The following DNA2 variants were observed in gnomAD, a reference collection of about 807,000 sequenced individuals.
DNA2 encodes the protein DNA replication ATP-dependent helicase/nuclease DNA2.
DNA2 carries 101 observed loss-of-function variants against 119.1 expected under a neutral mutation model. The ratio of observed to expected loss-of-function variants is 0.85; its 90% CI spans 0.72 to 1.00. The LOEUF (loss-of-function observed/expected upper bound fraction) is 1.00. DNA2 is among the 50% of genes least tolerant of loss of function. DNA2 has a pLI of 0.00. For synonymous variants in DNA2, 366 were observed against 424.4 expected (o/e 0.86, Z 1.69); for missense variants, 1,121 against 1,255.5 (o/e 0.89, Z 1.62).
At chr10:68,428,102 C>T (rs2051767114) in intron 14 of DNA2, among the ~76,000 whole-genome samples, 1 of 150,958 alleles carries the variant, frequency 6.6e-6, no homozygotes, top group South Asian at 2.1e-4. Flanking sequence ...CCGAGACAGG[C>T]AGATCACAAG....
chr10:68,456,980 A>C (rs925279060), intron 5 of DNA2, among the ~76,000 whole-genome samples: 6 of 151,760 alleles, frequency 4.0e-5, no homozygotes, highest in South Asian at 2.1e-4. Context: ...TAAAAATACA[A>C]AAAATTAGCC....
At chr10:68,429,711 CAAAAAAAAAAAA>C (rs1165329779) in intron 14 of DNA2, among the ~76,000 whole-genome samples, 6 of 40,400 alleles carry the variant, frequency 1.5e-4, no homozygotes, top group Admixed American at 5.3e-4. Context: ...GACTCCATCT[CAAAAAAAAAAAA>C]AAAAAAAAGA....
At chr10:68,430,349 T>C in intron 14 of DNA2, 87 bp downstream of exon 14, 1 of 914,230 alleles carries the variant, frequency 1.1e-6, no homozygotes, top group East Asian at 2.6e-5. Flanking sequence ...CCAGTCAATG[T>C]GACTAAATTT....
At chr10:68,469,899 A>T (rs1336235309) in intron 2 of DNA2, 82 bp downstream of exon 2, 2 of 1,220,836 alleles carry the variant, frequency 1.6e-6, no homozygotes, top group Non-Finnish European at 2.2e-6. Flanking sequence ...AAATTATAGT[A>T]ACATTCACAG....
At chr10:68,443,988 G>T (rs1031743328) in intron 8 of DNA2, among the ~76,000 whole-genome samples, 3 of 151,992 alleles carry the variant, frequency 2.0e-5, no homozygotes, top group African/African-American at 7.3e-5. Flanking sequence ...ATAGTGCAGT[G>T]GCTCAAGCCT....
intron 19 of DNA2, among the ~76,000 whole-genome samples, chr10:68,418,318 G>A (rs145020011): frequency 6.6e-6 from 1 of 151,740 alleles, no homozygotes; most frequent in African/African-American, 2.4e-5. Flanking sequence ...AGGCTGAGAC[G>A]GAAGAGTCAC....
chr10:68,444,844 T>A (rs1225661540), intron 8 of DNA2, 77 bp downstream of exon 8: 2 of 1,033,008 alleles, frequency 1.9e-6, no homozygotes, highest in Non-Finnish European at 2.8e-6. Context: ...TCAATGCCCG[T>A]CTGGCCACCA....
rs777142006 is a variant in DNA2 at position 68,450,134 on chromosome 10, A to G, written c.833T>C (p.Val278Ala). Residue 278 changes from valine to alanine, a missense_variant, in exon 6 of 21, where the codon GTT (valine) becomes GCT (alanine). Physicochemically the swap from Val to Ala is moderately conservative, Grantham distance 64. Transcript: ENST00000358410. The stretch of plus-strand genomic sequence containing the variant: ...TCGATGTATTTTCACACCAACTGTA[A>G]CATCTATTTTGCCTTTCAATCCAAA... ...PRFGLKGKID[V>A]TVGVKIHRGY... 6 of 1,607,894 alleles carry G rather than the reference A, an allele frequency of 3.7e-6. No individual in the cohort carries two copies. The East Asian group carries it at 1.3e-4, about 36-fold the overall frequency.
chr10:68,459,668 GAGAT>G (rs574435132), intron 4 of DNA2, among the ~76,000 whole-genome samples: 77 of 152,234 alleles, frequency 5.1e-4, no homozygotes, highest in African/African-American at 1.5e-3. Context: ...AAGAGTTCTG[GAGAT>G]AGATAGGGTG....
chr10:68,460,033 AC>A (rs1211169587), intron 4 of DNA2, among the ~76,000 whole-genome samples: 5 of 147,974 alleles, frequency 3.4e-5, no homozygotes, highest in African/African-American at 1.2e-4. Flanking sequence ...TCACAAATAC[AC>A]ACACACACAC....
In DNA2 at chr10:68,454,370, C is replaced by T. The variant is rs146155903; in HGVS notation, c.720-4123G>A. On this transcript the variant is annotated intron_variant, in intron 5 of 20. Coordinates refer to ENST00000358410, the MANE Select transcript of DNA2 (RefSeq NM_001080449.3). ...TTAATTTTAACCAAAAAAAAAAAAA[C>T]ACATTTGGGTTAAGACTCCACCAAA... Among the ~76,000 whole-genome samples, 784 of 144,794 alleles carry T rather than the reference C, an allele frequency of 5.4e-3. 8 individuals are homozygous for T. The highest frequency in any genetic ancestry group is 0.047 in the East Asian group (234 of 5,030). The allele number at this position is 144,794 out of a possible 152,430, so 95.0% of individuals were successfully genotyped here. A position where few individuals can be genotyped will look rare whatever the true frequency, so the allele number is the denominator to read the frequency against.
At chr10:68,448,914 G>GC (rs1411185832) in intron 6 of DNA2, among the ~76,000 whole-genome samples, 1 of 151,318 alleles carries the variant, frequency 6.6e-6, no homozygotes, top group African/African-American at 2.4e-5. Context: ...GGGACTACAG[G>GC]CATGTGCCAC....
At chr10:68,464,117 T>A (rs1158733107) in intron 4 of DNA2, among the ~76,000 whole-genome samples, 1 of 152,206 alleles carries the variant, frequency 6.6e-6, no homozygotes, top group Non-Finnish European at 1.5e-5. Context: ...TCCAGTTGAT[T>A]AAAAATGATG....
In DNA2 at chr10:68,418,953, G is replaced by A. The variant is rs1031479931; in HGVS notation, c.2967+81C>T. On this transcript the variant is annotated intron_variant, in intron 19 of 20. Transcript: ENST00000358410. ...CTCCCAGGGGGCTGGGATTACAGGT[G>A]TGAGCCACCGCGCCCGGCCCACAAT... The A allele has an allele frequency of 5.7e-5, 76 of 1,340,342 alleles. No individual in the cohort carries two copies. In the African/African-American group the frequency reaches 1.0e-3, roughly 18 times the overall value. The allele number at this position is 1,340,342 out of a possible 1,614,324, so 83.0% of individuals were successfully genotyped here. A position where few individuals can be genotyped will look rare whatever the true frequency, so the allele number is the denominator to read the frequency against.
Position 68,419,169 on chromosome 10 carries a change from C to T in DNA2, c.2832G>A (p.Arg944=). Residue 944 remains arginine (R), a synonymous_variant, in exon 19 of 21, where the codon AGG becomes AGA. Coordinates refer to ENST00000358410, the MANE Select transcript of DNA2 (RefSeq NM_001080449.3). The stretch of plus-strand genomic sequence containing the variant: ...AATCATTGATGATCTTTAATTGCTG[C>T]CTGTACGGTGCAATAATACCAATAT... The part of the protein sequence containing the change: ...PSDIGIIAPY[R]QQLKIINDLL... 1.9e-6 allele frequency: 3 copies of T among 1,612,022 alleles called. No individual in the cohort carries two copies. The highest frequency in any genetic ancestry group is 1.7e-6 in the Non-Finnish European group (2 of 1,179,162).
intron 4 of DNA2, among the ~76,000 whole-genome samples, chr10:68,463,308 G>T (rs886356764): frequency 1.3e-5 from 2 of 151,896 alleles, no homozygotes; most frequent in Non-Finnish European, 2.9e-5. Context: ...GCCGGGCGTG[G>T]TGGCGGCCGC....
intron 14 of DNA2, chr10:68,424,695 T>C (rs950686294): frequency 6.8e-6 from 11 of 1,606,092 alleles, no homozygotes; most frequent in Non-Finnish European, 8.5e-6. Context: ...CAATGTCCGC[T>C]CCACACCCAT....
chr10:68,462,011 AT>A (rs1015797430), intron 4 of DNA2, among the ~76,000 whole-genome samples: 7 of 152,088 alleles, frequency 4.6e-5, no homozygotes, highest in Admixed American at 4.6e-4. Flanking sequence ...CATTCATTAC[AT>A]TTTTTTACAA....
intron 6 of DNA2, among the ~76,000 whole-genome samples, chr10:68,448,981 G>A (rs2052081497): frequency 7.1e-6 from 1 of 141,598 alleles, no homozygotes; most frequent in Non-Finnish European, 1.5e-5. Flanking sequence ...GTGTGTGTGT[G>A]TGTGTAGTAG....
Sources: allele counts gnomAD v4.1 joint callset (sites outside exome capture counted in the v4.1 genomes callset), GRCh38; gene constraint gnomAD v4.1.1; transcripts MANE v1.5; gene names NCBI Gene and HGNC (gene_info 2026-07-23, HGNC 2026-07-21).